Variants in TRMT44 observed in about 807,000 individuals in gnomAD.
The protein encoded by TRMT44 is tRNA methyltransferase 44 homolog.
A neutral mutation model predicts 77.3 loss-of-function variants in TRMT44; 78 were observed. The ratio of observed to expected loss-of-function variants is 1.01; its 90% CI spans 0.84 to 1.22. The LOEUF is 1.22. Ranked by LOEUF, TRMT44 falls within the 50% of genes most tolerant of loss-of-function variation. The pLI, the probability that TRMT44 is intolerant of heterozygous loss-of-function variation, is 0.00. For missense variants in TRMT44, 1,090 were observed against 964.4 expected (o/e 1.13, Z -1.73); for synonymous variants, 391 against 383.3 (o/e 1.02, Z -0.23).
chr4:8,443,885 G>T (rs576632494), intron 1 of TRMT44, among the ~76,000 whole-genome samples: 4 of 152,114 alleles, frequency 2.6e-5, no homozygotes, highest in African/African-American at 7.2e-5. Context: ...ACGTGAACCC[G>T]GTGAGTGGAG....
the TRMT44 span, among the ~76,000 whole-genome samples, chr4:8,507,694 G>A: frequency 6.6e-6 from 1 of 152,180 alleles, no homozygotes; most frequent in Admixed American, 6.5e-5. Context: ...CCTGCCCCTG[G>A]TCACCTGGAG....
At chr4:8,467,146 C>G (rs1277527381) in intron 8 of TRMT44, among the ~76,000 whole-genome samples, 1 of 152,222 alleles carries the variant, frequency 6.6e-6, no homozygotes, top group Non-Finnish European at 1.5e-5. Context: ...GCTCCAGGCC[C>G]TCTGCGCAGC....
At chr4:8,499,938 G>A in the TRMT44 span, among the ~76,000 whole-genome samples, 5 of 152,172 alleles carry the variant, frequency 3.3e-5, no homozygotes, top group Non-Finnish European at 5.9e-5. Flanking sequence ...TAGAGAGAGA[G>A]CTCTCAGCCT....
rs114478551 is a variant in TRMT44 at position 8,448,238 on chromosome 4, C to T, written c.735-1431C>T. On this transcript the variant is annotated intron_variant, in intron 2 of 10. Transcript: ENST00000389737. ...GAACACAAATGAGGGGCTCCACTGT[C>T]GATGTGCGTGCTTCTTCGCAGCTGG... Among the ~76,000 whole-genome samples the T allele has an allele frequency of 7.9e-3, 1,210 of 152,282 alleles. 9 individuals carry two copies. Among genetic ancestry groups the T allele is most frequent in the Non-Finnish European group, 0.011 (776 of 68,026 alleles).
exon 3 of TRMT44, chr4:8,493,393 G>C (rs138474153): frequency 6.6e-6 from 1 of 152,236 alleles, no homozygotes; most frequent in East Asian, 1.9e-4. Context: ...TTTTATCTTG[G>C]ACCCGACCAA....
the TRMT44 span, among the ~76,000 whole-genome samples, chr4:8,505,423 C>G: frequency 2.0e-5 from 3 of 152,144 alleles, no homozygotes; most frequent in Non-Finnish European, 4.4e-5. Flanking sequence ...CCTTGACCTC[C>G]CAGCACCTCT....
chr4:8,461,895 C>T lies in TRMT44; in HGVS notation c.1204-2090C>T, dbSNP rs1352263745. On this transcript the variant is annotated intron_variant, in intron 6 of 10. Transcript: ENST00000389737. The surrounding 1 kb of genome is among the most constrained non-coding windows in gnomAD (Gnocchi z 4.6). ...TCCAGCTGCAGTTGAGTGGTTTCCA[C>T]GAACAGGTACAATCTAGAAAGTCAA... Among the ~76,000 whole-genome samples the T allele has an allele frequency of 3.3e-5, 5 of 152,182 alleles. No individual in the cohort carries two copies. The highest frequency in any genetic ancestry group is 9.6e-5 in the African/African-American group (4 of 41,522).
At chr4:8,457,603 T>C (rs1579056437) in intron 6 of TRMT44, among the ~76,000 whole-genome samples, 1 of 152,120 alleles carries the variant, frequency 6.6e-6, no homozygotes, top group South Asian at 2.1e-4. Flanking sequence ...GGAAGAGAAC[T>C]ACAAGAGAGA....
chr4:8,490,889 T>C (rs949147721), intron 2 of TRMT44, among the ~76,000 whole-genome samples: 1 of 151,984 alleles, frequency 6.6e-6, no homozygotes, highest in East Asian at 1.9e-4. Flanking sequence ...CTGAGCTAGA[T>C]ACAAAGGTTC....
At position 8,441,044 on chromosome 4, in the gene TRMT44, C is replaced by G. The variant is rs1724637923; in HGVS notation, c.222C>G (p.Pro74=). ...GSEQKERGPG[P]GQGSPGGGPG... ...AGCAGAAGGAGCGGGGTCCGGGACC[C>G]GGCCAGGGTTCCCCCGGAGGGGGCC... is the stretch of plus-strand genomic sequence containing the variant. Residue 74 remains proline (P), a synonymous_variant, in exon 1 of 11, where the codon CCC becomes CCG. Transcript: ENST00000389737. 2.7e-6 allele frequency: 4 copies of G among 1,487,850 alleles called. No individual in the cohort carries two copies. In the East Asian group the frequency reaches 7.5e-5, roughly 28 times the overall value. The allele number at this position is 1,487,850 out of a possible 1,614,324, so 92.2% of individuals were successfully genotyped here.
rs1560236924 is a variant in TRMT44, at chr4:8,468,094, G to A, written c.1675G>A (p.Ala559Thr). 1 of 1,613,978 alleles carries A rather than the reference G, an allele frequency of 6.2e-7. No individual in the cohort carries two copies. Among genetic ancestry groups the A allele is most frequent in the Non-Finnish European group, 8.5e-7 (1 of 1,180,022 alleles). ...GSAGHCDGQQ[A>T]LDARVGCVTR... ...TGCTGGTCACTGTGACGGTCAGCAA[G>A]CTCTGGACGCCAGGGTCGGGTGTGT... is the stretch of plus-strand genomic sequence containing the variant. The change falls in exon 9 of 11, where the codon GCT becomes ACT. Residue 559 changes from alanine (A) to threonine (T), a missense_variant. Ala to Thr is a moderately conservative substitution (Grantham distance 58). Coordinates refer to ENST00000389737, the MANE Select transcript of TRMT44 (RefSeq NM_152544.3).
rs751455280 is a variant in TRMT44, at chr4:8,471,216, C to T, written c.2044+16C>T. On this transcript the variant is annotated intron_variant, in intron 10 of 10. Coordinates refer to ENST00000389737, the MANE Select transcript of TRMT44 (RefSeq NM_152544.3). ...GTGTTCCAAGGTACGGAGTCCGCCT[C>T]TCCCCCGCCGTTCTTTCCTTCTTTT... is the stretch of plus-strand genomic sequence containing the variant. The T allele has an allele frequency of 1.3e-6, 2 of 1,494,028 alleles. No homozygotes were observed. Among genetic ancestry groups the T allele is most frequent in the Non-Finnish European group, 1.8e-6 (2 of 1,098,848 alleles). The allele number at this position is 1,494,028 out of a possible 1,614,324, so 92.5% of individuals were successfully genotyped here.
intron 8 of TRMT44, among the ~76,000 whole-genome samples, chr4:8,466,961 G>T (rs1726601991): frequency 6.6e-6 from 1 of 152,224 alleles, no homozygotes; most frequent in Admixed American, 6.5e-5. Context: ...GAGGAGGTCG[G>T]CTTCCTTATC....
chr4:8,505,512 C>T, the TRMT44 span, among the ~76,000 whole-genome samples: 1 of 152,220 alleles, frequency 6.6e-6, no homozygotes, highest in African/African-American at 2.4e-5. Flanking sequence ...CCTGGACAGG[C>T]AGCCGGTGTG....
chr4:8,444,913 C>A lies in TRMT44; in HGVS notation c.620-1563C>A, dbSNP rs995290945. Reference sequence around the variant, plus strand: ...AAAAATTTTAAAAATCGAAATTTATCATTGTGTAGCGACAACAGTGACAGC... The same window carrying A: ...AAAAATTTTAAAAATCGAAATTTATAATTGTGTAGCGACAACAGTGACAGC... On this transcript the variant is annotated intron_variant, in intron 1 of 10. Coordinates refer to ENST00000389737, the MANE Select transcript of TRMT44 (RefSeq NM_152544.3). This position sits in a 1 kb window ranked among gnomAD's most constrained non-coding sequence, Gnocchi z 4.0. Among the ~76,000 whole-genome samples the A allele has an allele frequency of 2.6e-5, 4 of 152,172 alleles. No individual in the cohort carries two copies. The highest frequency in any genetic ancestry group is 9.7e-5 in the African/African-American group (4 of 41,428).
At chr4:8,505,537 C>T in the TRMT44 span, among the ~76,000 whole-genome samples, 13 of 152,334 alleles carry the variant, frequency 8.5e-5, no homozygotes, top group East Asian at 2.1e-3. Flanking sequence ...GCATGAGTCA[C>T]GCCCTGTGGG....
At chr4:8,482,924 G>A (rs1175597961) in intron 2 of TRMT44, among the ~76,000 whole-genome samples, 1 of 151,738 alleles carries the variant, frequency 6.6e-6, no homozygotes, top group Non-Finnish European at 1.5e-5. Context: ...GGGTGGTATG[G>A]AGAGATAATG....
chr4:8,467,588 C>T (rs577254118), intron 8 of TRMT44, among the ~76,000 whole-genome samples: 12 of 152,278 alleles, frequency 7.9e-5, no homozygotes, highest in African/African-American at 2.6e-4. Flanking sequence ...TCAAATGATC[C>T]TCCTGCCTCA....
At chr4:8,456,333 G>C (rs1221261629) in intron 6 of TRMT44, among the ~76,000 whole-genome samples, 1 of 152,152 alleles carries the variant, frequency 6.6e-6, no homozygotes. Context: ...ATTTTTCAAC[G>C]TGTTTGGTGC....
Sources: gnomAD v4.1 joint callset for allele counts (sites outside exome capture counted in the v4.1 genomes callset) on GRCh38, gnomAD v4.1.1 for gene constraint, Gnocchi (gnomAD v3.1) non-coding constraint, MANE v1.5 for transcripts, NCBI Gene and HGNC (gene_info 2026-07-23, HGNC 2026-07-21) for gene names.